OSBPL10: variants seen among roughly 807,000 people sequenced by gnomAD.
The protein encoded by OSBPL10 is oxysterol binding protein like 10, also known as oxysterol-binding protein-related protein 10.
Under a neutral mutation model 81.7 loss-of-function variants are expected in OSBPL10, and 49 were observed. The ratio of observed to expected loss-of-function variants is 0.60; its 90% CI spans 0.48 to 0.76. The LOEUF (loss-of-function observed/expected upper bound fraction) is 0.76. Ranked by LOEUF, OSBPL10 falls within the 30% of genes least tolerant of loss-of-function variation. The probability of loss-of-function intolerance (pLI) is 0.00; values close to 1 mark genes in which losing one functional copy is unlikely to be tolerated. For missense variants in OSBPL10, 923 were observed against 987.8 expected (o/e 0.93, Z 0.88); for synonymous variants, 419 against 383.6 (o/e 1.09, Z -1.08).
intron 2 of OSBPL10, among the ~76,000 whole-genome samples, chr3:32,023,179 T>C (rs912512130): frequency 1.2e-4 from 18 of 152,206 alleles, no homozygotes; most frequent in African/African-American, 4.3e-4. Flanking sequence ...AAAACTCATC[T>C]TGAATTGTAG....
chr3:31,979,773 A>G (rs942744564), intron 1 of OSBPL10, among the ~76,000 whole-genome samples: 12 of 151,448 alleles, frequency 7.9e-5, no homozygotes, highest in Non-Finnish European at 2.9e-5. Context: ...CTTCCTCACG[A>G]TGGCAGATCA....
chr3:31,874,210 CA>C (rs1277998201), intron 3 of OSBPL10, among the ~76,000 whole-genome samples: 6 of 151,816 alleles, frequency 4.0e-5, no homozygotes, highest in African/African-American at 1.5e-4. Context: ...TCCCCTACCT[CA>C]ATTCCCACTC....
chr3:31,790,054 T>C (rs1275560362), intron 4 of OSBPL10, among the ~76,000 whole-genome samples: 1 of 152,108 alleles, frequency 6.6e-6, no homozygotes, highest in Non-Finnish European at 1.5e-5. Context: ...CATATGAATA[T>C]TCCTTACTTT....
At chr3:32,014,195 A>G (rs1223108442) in intron 2 of OSBPL10, among the ~76,000 whole-genome samples, 1 of 152,242 alleles carries the variant, frequency 6.6e-6, no homozygotes, top group East Asian at 1.9e-4. Flanking sequence ...AAAAATCCTC[A>G]ATAAAATACT....
chr3:31,732,499 G>T (rs922998789), intron 6 of OSBPL10: 36 of 152,154 alleles, frequency 2.4e-4, no homozygotes, highest in African/African-American at 7.5e-4. Flanking sequence ...GTTAAAGGAG[G>T]CCTCCGCCAG....
chr3:31,914,285 G>A (rs187301046), intron 1 of OSBPL10, among the ~76,000 whole-genome samples: 68 of 152,272 alleles, frequency 4.5e-4, no homozygotes, highest in African/African-American at 1.5e-3. Context: ...AGCATTTCCC[G>A]AAAAGTGTTC....
intron 8 of OSBPL10, among the ~76,000 whole-genome samples, chr3:31,671,802 A>G (rs1435948184): frequency 6.6e-6 from 1 of 152,068 alleles, no homozygotes; most frequent in Admixed American, 6.6e-5. Context: ...AGTCCTCAAG[A>G]CTACCCCCAA....
At chr3:31,851,015 C>CA (rs889471326) in intron 3 of OSBPL10, among the ~76,000 whole-genome samples, 5 of 152,064 alleles carry the variant, frequency 3.3e-5, no homozygotes, top group Non-Finnish European at 5.9e-5. Context: ...ACACTGGCTT[C>CA]AAAACCAGAA....
intron 7 of OSBPL10, among the ~76,000 whole-genome samples, chr3:31,689,907 T>C (rs940757499): frequency 3.3e-5 from 5 of 152,156 alleles, no homozygotes; most frequent in African/African-American, 9.7e-5. Context: ...CACACACATA[T>C]ACATGTATGT....
chr3:31,674,635 G>C lies in OSBPL10; in HGVS notation c.1727-3652C>G, dbSNP rs901752936. 3.4e-5 allele frequency among the ~76,000 whole-genome samples: 5 copies of C among 148,084 alleles called. 1 individual carries two copies. The highest frequency in any genetic ancestry group is 4.0e-4 in the East Asian group (2 of 5,000). On this transcript the variant is annotated intron_variant, in intron 8 of 11. Transcript: ENST00000396556. ...GATAGATAGATAGATAGATGGAAAA[G>C]AGTCCGACACCTCCCCCACCTTGCT...
At position 31,661,922 on chromosome 3, in the gene OSBPL10, C is replaced by G; in HGVS notation, c.*150G>C. The G allele has an allele frequency of 8.2e-7, 1 of 1,216,908 alleles. No homozygotes were observed. Among genetic ancestry groups the G allele is most frequent in the South Asian group, 1.5e-5 (1 of 65,956 alleles). 75.4% of individuals were successfully genotyped at this position (1,216,908 alleles called of 1,614,324 possible). ...TCCTCTAGCAGAGTGTGGGGGTGCA[C>G]TTTTCATAGTATATAATTTCTCTCT... On this transcript the variant is annotated 3_prime_UTR_variant, in exon 12 of 12. Coordinates refer to ENST00000396556, the MANE Select transcript of OSBPL10 (RefSeq NM_017784.5).
chr3:31,847,058 TA>T (rs1700651813), intron 3 of OSBPL10, among the ~76,000 whole-genome samples: 1 of 152,098 alleles, frequency 6.6e-6, no homozygotes, highest in Non-Finnish European at 1.5e-5. Flanking sequence ...GATTTCCAAT[TA>T]TCCATAAAGG....
intron 2 of OSBPL10, among the ~76,000 whole-genome samples, chr3:32,037,287 T>C (rs1433929531): frequency 6.6e-6 from 1 of 152,212 alleles, no homozygotes; most frequent in Non-Finnish European, 1.5e-5. Flanking sequence ...TTTAGGCATG[T>C]TCTTGAACTG....
chr3:32,021,933 T>C (rs1272518463), intron 2 of OSBPL10, among the ~76,000 whole-genome samples: 1 of 151,178 alleles, frequency 6.6e-6, no homozygotes, highest in Non-Finnish European at 1.5e-5. Flanking sequence ...TGAGTCATGG[T>C]CGTGCTACTG....
At chr3:31,933,003 T>G (rs13434149) in intron 1 of OSBPL10, among the ~76,000 whole-genome samples, 14,264 of 152,162 alleles carry the variant, frequency 0.094, 802 homozygotes, top group East Asian at 0.17. Context: ...AAAATAAAGT[T>G]TTCTAAAATC....
chr3:31,870,238 G>A (rs573236676), intron 3 of OSBPL10, among the ~76,000 whole-genome samples: 84 of 151,824 alleles, frequency 5.5e-4, no homozygotes, highest in Non-Finnish European at 8.8e-4. Context: ...CTCCCGGCCC[G>A]GGCAGTGAGG....
chr3:31,977,000 A>G (rs894323117), intron 1 of OSBPL10, among the ~76,000 whole-genome samples: 8 of 152,204 alleles, frequency 5.3e-5, no homozygotes, highest in African/African-American at 1.7e-4. Flanking sequence ...AAATAGCTCC[A>G]TTTTAGTTTG....
At chr3:31,932,748 G>A (rs1034770764) in intron 1 of OSBPL10, among the ~76,000 whole-genome samples, 3 of 151,546 alleles carry the variant, frequency 2.0e-5, no homozygotes, top group Admixed American at 2.0e-4. Context: ...AAATTTAACA[G>A]CTTTCATGAA....
At chr3:31,690,267 GCTCT>G (rs778034852) in intron 7 of OSBPL10, among the ~76,000 whole-genome samples, 85 of 151,882 alleles carry the variant, frequency 5.6e-4, no homozygotes, top group Non-Finnish European at 1.1e-3. Flanking sequence ...CTCCCCCTTT[GCTCT>G]CTTTCTCCTG....
Sources: gnomAD v4.1 joint callset for allele counts (sites outside exome capture counted in the v4.1 genomes callset) on GRCh38, gnomAD v4.1.1 for gene constraint, MANE v1.5 for transcripts, NCBI Gene and HGNC (gene_info 2026-07-23, HGNC 2026-07-21) for gene names.